Variants in WDR89 observed in about 807,000 individuals in gnomAD.
WDR89 encodes WD repeat domain 89.
A neutral mutation model predicts 29.1 loss-of-function variants in WDR89; 17 were observed. The observed-to-expected ratio is 0.58, with a 90% CI of 0.40 to 0.88. The LOEUF is 0.88. Among genes scored for constraint, WDR89 ranks in the 40% least tolerant of loss-of-function variants. WDR89 has a pLI of 0.00. For missense variants in WDR89, 396 were observed against 456.3 expected, an observed-to-expected ratio of 0.87 and a Z score of 1.20; for synonymous variants, 138 against 157.8, an observed-to-expected ratio of 0.87 and a Z score of 0.94.
chr14:63,630,764 G>C (rs992967785), intron 1 of WDR89: 8 of 151,276 alleles, frequency 5.3e-5, no homozygotes, highest in Non-Finnish European at 1.2e-4. Context: ...GAAAATTCAT[G>C]AAGTATTCCA....
chr14:63,602,191 T>C lies in WDR89; in HGVS notation c.-31-2218A>G, dbSNP rs376883484. ...CATAGTACCTACACAATAGATGTAA[T>C]AGGTCAGGCATGGTGGCTCATGCCT... On this transcript the variant is annotated intron_variant, in intron 2 of 2. Coordinates refer to ENST00000620954, the MANE Select transcript of WDR89 (RefSeq NM_080666.4). Among the ~76,000 whole-genome samples the C allele has an allele frequency of 2.0e-4, 30 of 152,248 alleles. No homozygotes were observed. In the South Asian group the frequency reaches 6.2e-3, roughly 32 times the overall value.
chr14:63,630,642 C>T (rs1883339094), intron 1 of WDR89: 1 of 133,748 alleles, frequency 7.5e-6, no homozygotes, highest in Non-Finnish European at 1.6e-5. Flanking sequence ...GACTCTGTCT[C>T]ACAAAAAAAA....
chr14:63,615,524 C>G (rs1203152357), intron 2 of WDR89, among the ~76,000 whole-genome samples: 7 of 152,174 alleles, frequency 4.6e-5, no homozygotes, highest in Non-Finnish European at 1.5e-5. Flanking sequence ...ATGATGTTAA[C>G]ATTATCTAAG....
At chr14:63,605,518 G>C (rs1278440366) in intron 2 of WDR89, among the ~76,000 whole-genome samples, 1 of 151,054 alleles carries the variant, frequency 6.6e-6, no homozygotes, top group Admixed American at 6.6e-5. Flanking sequence ...GTAATGCAGT[G>C]GCACCATCTC....
At chr14:63,610,868 A>AT (rs1247848870) in intron 2 of WDR89, among the ~76,000 whole-genome samples, 2 of 151,704 alleles carry the variant, frequency 1.3e-5, no homozygotes, top group East Asian at 3.9e-4. Flanking sequence ...CACCTGGCTA[A>AT]TTTTTGTATT....
At chr14:63,602,728 C>T (rs1488515720) in intron 2 of WDR89, among the ~76,000 whole-genome samples, 2 of 150,216 alleles carry the variant, frequency 1.3e-5, no homozygotes, top group African/African-American at 4.9e-5. Flanking sequence ...GCCGAGATCG[C>T]GCCGTTGCAC....
chr14:63,627,577 C>T (rs1430337577), intron 1 of WDR89, among the ~76,000 whole-genome samples: 1 of 152,186 alleles, frequency 6.6e-6, no homozygotes, highest in Non-Finnish European at 1.5e-5. Context: ...CATCCCTCTG[C>T]TCATCCTGAA....
intron 1 of WDR89, among the ~76,000 whole-genome samples, chr14:63,626,056 G>GTA (rs1883020671): frequency 6.6e-6 from 1 of 151,952 alleles, no homozygotes; most frequent in Non-Finnish European, 1.5e-5. Flanking sequence ...GTTTCACCAT[G>GTA]TTGGCCAGGA....
rs1881817454 is a variant in WDR89 at position 63,609,571 on chromosome 14, C to T, written c.-31-9598G>A. 6.6e-5 allele frequency among the ~76,000 whole-genome samples: 10 copies of T among 152,104 alleles called. No individual in the cohort carries two copies. The South Asian group carries it at 2.1e-3, about 31-fold the overall frequency. ...CGGGAAGCCGAGGCGGGCGGATCAC[C>T]TGAGCCTCAGGAGTTGGAGACCAGC... On this transcript the variant is annotated intron_variant, in intron 2 of 2. Coordinates refer to ENST00000620954, the MANE Select transcript of WDR89 (RefSeq NM_080666.4).
chr14:63,627,963 C>G (rs962025916), intron 1 of WDR89, among the ~76,000 whole-genome samples: 1 of 152,126 alleles, frequency 6.6e-6, no homozygotes, highest in Non-Finnish European at 1.5e-5. Flanking sequence ...AGGCTGAGCA[C>G]AGTGGCTCAC....
chr14:63,631,310 T>C (rs1290262128), intron 1 of WDR89, among the ~76,000 whole-genome samples: 1 of 152,136 alleles, frequency 6.6e-6, no homozygotes, highest in African/African-American at 2.4e-5. Flanking sequence ...TTGAGAAATA[T>C]TTTTCTTTTC....
Position 63,599,322 on chromosome 14 carries a change from A to C in WDR89, c.621T>G (p.Asp207Glu). 1.2e-6 allele frequency: 2 copies of C among 1,614,144 alleles called. No homozygotes were observed. The highest frequency in any genetic ancestry group is 1.7e-6 in the Non-Finnish European group (2 of 1,180,028). ...TTGAGTTACAGGTTGTAACCAGTGC[A>C]TCCTCCTCATTATCAATATTAATAT... Reference protein sequence around the residue: ...VFDINIDNEEDALVTTCNSIS... With the variant: ...VFDINIDNEEEALVTTCNSIS... The change falls in exon 3 of 3, where the codon GAT becomes GAG. Residue 207 changes from aspartate (D) to glutamate (E), a missense_variant. Coordinates refer to ENST00000620954, the MANE Select transcript of WDR89 (RefSeq NM_080666.4).
At chr14:63,606,008 C>CT (rs907356786) in intron 2 of WDR89, among the ~76,000 whole-genome samples, 76 of 146,574 alleles carry the variant, frequency 5.2e-4, no homozygotes, top group Middle Eastern at 7.1e-3. Context: ...CTTTTTTCTT[C>CT]TTTTTTTTTT....
intron 1 of WDR89, among the ~76,000 whole-genome samples, chr14:63,637,099 A>T (rs1420576488): frequency 2.6e-5 from 4 of 152,212 alleles, no homozygotes; most frequent in African/African-American, 9.7e-5. Flanking sequence ...AATGTGGGCT[A>T]AGGACATGAA....
chr14:63,621,395 C>T (rs780948168), intron 2 of WDR89, among the ~76,000 whole-genome samples: 2 of 151,922 alleles, frequency 1.3e-5, no homozygotes, highest in Non-Finnish European at 2.9e-5. Context: ...GTCAGGAGTT[C>T]GAGACCAGCC....
At chr14:63,601,837 A>G in intron 2 of WDR89, 1 of 887,844 alleles carries the variant, frequency 1.1e-6, no homozygotes, top group Non-Finnish European at 1.9e-6. Flanking sequence ...TTGAAATGGC[A>G]TCAACATGAA....
intron 2 of WDR89, among the ~76,000 whole-genome samples, chr14:63,606,532 TTAAAG>T (rs749038105): frequency 1.5e-4 from 23 of 152,214 alleles, no homozygotes; most frequent in Non-Finnish European, 2.8e-4. Context: ...TTACAACTGC[TTAAAG>T]TATTCAGTAG....
intron 2 of WDR89, chr14:63,621,845 C>T (rs1257348334): frequency 1.3e-5 from 2 of 152,196 alleles, no homozygotes; most frequent in Non-Finnish European, 2.9e-5. Context: ...TTCCCCTCTT[C>T]TCACTACTGC....
intron 2 of WDR89, among the ~76,000 whole-genome samples, chr14:63,622,378 G>C (rs1348132338): frequency 6.6e-6 from 1 of 152,074 alleles, no homozygotes; most frequent in South Asian, 2.1e-4. Flanking sequence ...TCAGGAGTTC[G>C]AGACCAGCCA....
Sources: gnomAD v4.1 joint callset for allele counts (sites outside exome capture counted in the v4.1 genomes callset) on GRCh38, gnomAD v4.1.1 for gene constraint, MANE v1.5 for transcripts, NCBI Gene and HGNC (gene_info 2026-07-23, HGNC 2026-07-21) for gene names.